The following RYR1 variants were observed in gnomAD, a reference collection of about 807,000 sequenced individuals.
RYR1 encodes central core disease of muscle.
Under a neutral mutation model 583.5 loss-of-function variants are expected in RYR1, and 342 were observed. The observed-to-expected ratio is 0.59, with a 90% CI of 0.54 to 0.64. The LOEUF (loss-of-function observed/expected upper bound fraction) is 0.64. Ranked by LOEUF, RYR1 falls within the 30% of genes least tolerant of loss-of-function variation. The pLI is 0.00. For synonymous variants in RYR1, 2,791 were observed against 2,822.5 expected (o/e 0.99, Z 0.35); for missense variants, 6,032 against 6,917.2 (o/e 0.87, Z 4.54).
At chr19:38,442,681 C>G (rs1001957469) in intron 3 of RYR1, among the ~76,000 whole-genome samples, 3 of 152,144 alleles carry the variant, frequency 2.0e-5, no homozygotes, top group Admixed American at 2.0e-4. Flanking sequence ...CAGGCAGGCC[C>G]GTCTCTCAGG....
chr19:38,457,203 C>G (rs1967457858), intron 16 of RYR1, among the ~76,000 whole-genome samples: 1 of 152,046 alleles, frequency 6.6e-6, no homozygotes, highest in Non-Finnish European at 1.5e-5. Context: ...CTGGTCGTTT[C>G]AGTCTGCCTT....
intron 83 of RYR1, 150 bp downstream of exon 83, chr19:38,536,917 G>A (rs1211635039): frequency 6.5e-6 from 5 of 771,598 alleles, no homozygotes; most frequent in South Asian, 1.5e-5. Context: ...AAAACCTGGA[G>A]ATCAGGAGTC....
At chr19:38,581,746 A>C (rs141293643) in intron 101 of RYR1, among the ~76,000 whole-genome samples, 130 of 152,040 alleles carry the variant, frequency 8.6e-4, no homozygotes, top group African/African-American at 2.9e-3. Context: ...TTACAGGCGC[A>C]CACTACCACA....
chr19:38,506,994 C>T (rs766407125), intron 57 of RYR1, 42 bp downstream of exon 57: 2 of 1,611,626 alleles, frequency 1.2e-6, no homozygotes, highest in African/African-American at 2.7e-5. Flanking sequence ...GCAGGCAGAA[C>T]ACACCCGGCA....
chr19:38,516,041 C>T, intron 64 of RYR1, 46 bp from the exon 65 acceptor site: 11 of 1,537,048 alleles, frequency 7.2e-6, no homozygotes, highest in Non-Finnish European at 9.7e-6. Flanking sequence ...ACCCAGGACC[C>T]CAAAGAGGGG....
chr19:38,480,305 G>A (rs1045313635), intron 31 of RYR1, among the ~76,000 whole-genome samples: 2 of 151,220 alleles, frequency 1.3e-5, no homozygotes, highest in East Asian at 3.9e-4. Flanking sequence ...ACCATGCCTG[G>A]CTAATTTTTT....
chr19:38,528,547 G>C, intron 74 of RYR1, 52 bp from the exon 75 acceptor site: 1 of 1,606,144 alleles, frequency 6.2e-7, no homozygotes, highest in African/African-American at 1.3e-5. Context: ...ATGGGAGGTC[G>C]GGAAGCACGG....
At position 38,565,306 on chromosome 19, in the gene RYR1, G is replaced by C; in HGVS notation, c.12972G>C (p.Thr4324=). 12 of 1,107,958 alleles carry C rather than the reference G, an allele frequency of 1.1e-5. No individual in the cohort carries two copies. Among genetic ancestry groups the C allele is most frequent in the East Asian group, 5.1e-5 (1 of 19,692 alleles). The allele number at this position is 1,107,958 out of a possible 1,614,324, so 68.6% of individuals were successfully genotyped here. The change falls in exon 91 of 106, where the codon ACG becomes ACC. Residue 4324 remains threonine, a synonymous_variant. Coordinates refer to ENST00000359596, the MANE Select transcript of RYR1 (RefSeq NM_000540.3). This position sits in a 1 kb window ranked among gnomAD's most constrained non-coding sequence, Gnocchi z 4.7. ...GCGTGCGGCGGCTGCGGCGGCTTAC[G>C]GCCCGCGAGGCGGCCACCGCAGTGG... ...RRRVRRLRRL[T]AREAATAVAA...
At chr19:38,516,357 A>G (rs878949282) in intron 65 of RYR1, 140 bp downstream of exon 65, 7 of 946,862 alleles carry the variant, frequency 7.4e-6, no homozygotes, top group Non-Finnish European at 1.1e-5. Flanking sequence ...AGTGCCACAC[A>G]TTCAGGAACC....
chr19:38,499,645 G>A lies in RYR1; in HGVS notation c.7038G>A (p.Val2346=). 6.3e-7 allele frequency: 1 copy of A among 1,598,090 alleles called. No homozygotes were observed. Among genetic ancestry groups the A allele is most frequent in the Non-Finnish European group, 8.5e-7 (1 of 1,179,886 alleles). ...RFAVFVNGES[V]EENANVVVRL... is the part of the protein sequence containing the mutation. ...CATGCGGGTGGCCAGGCGAGAGCGTGGAGGAGAACGCCAATGTGGTGGTGC... is the reference window on the plus strand; with the variant it reads ...CATGCGGGTGGCCAGGCGAGAGCGTAGAGGAGAACGCCAATGTGGTGGTGC... Residue 2346 remains valine (V), a synonymous_variant, in exon 44 of 106, where the codon GTG becomes GTA. Coordinates refer to ENST00000359596, the MANE Select transcript of RYR1 (RefSeq NM_000540.3). This position sits in a 1 kb window ranked among gnomAD's most constrained non-coding sequence, Gnocchi z 7.3.
intron 70 of RYR1, 65 bp from the exon 71 acceptor site, chr19:38,525,267 C>T: frequency 6.2e-7 from 1 of 1,603,124 alleles, no homozygotes; most frequent in Non-Finnish European, 8.5e-7. Flanking sequence ...TGGATGATGG[C>T]CGCGGGTTGG....
At position 38,490,389 on chromosome 19, in the gene RYR1, C is replaced by T. The variant is rs1732457359; in HGVS notation, c.6015+113C>T. 2.9e-6 allele frequency: 3 copies of T among 1,043,982 alleles called. No homozygotes were observed. The Middle Eastern group carries it at 6.1e-4, about 213-fold the overall frequency. The allele number at this position is 1,043,982 out of a possible 1,614,324, so 64.7% of individuals were successfully genotyped here. On this transcript the variant is annotated intron_variant, in intron 36 of 105. Transcript: ENST00000359596. ...TCTAAACCCGTGCTTGACCCCTGAC[C>T]CTAGTGATACATTTATCTCCTACTC...
intron 89 of RYR1, among the ~76,000 whole-genome samples, chr19:38,548,988 G>C (rs1185914071): frequency 6.6e-6 from 1 of 152,148 alleles, no homozygotes; most frequent in Admixed American, 6.6e-5. Context: ...ATAGGCATCA[G>C]TTATTCCATC....
chr19:38,474,248 C>T (rs1968592805), intron 28 of RYR1, among the ~76,000 whole-genome samples: 2 of 151,992 alleles, frequency 1.3e-5, no homozygotes, highest in Non-Finnish European at 2.9e-5. Context: ...CCTACAATGG[C>T]AGTGGTTTCC....
intron 9 of RYR1, 92 bp downstream of exon 9, chr19:38,446,860 A>G (rs1251276376): frequency 1.8e-5 from 18 of 1,007,234 alleles, no homozygotes; most frequent in Non-Finnish European, 2.4e-5. Flanking sequence ...AAGATCTGAT[A>G]AAGAGACTGA....
chr19:38,508,387 A>AT (rs1183220817), intron 58 of RYR1, among the ~76,000 whole-genome samples: 1 of 151,566 alleles, frequency 6.6e-6, no homozygotes, highest in Admixed American at 6.6e-5. Context: ...AATTTTTTGT[A>AT]TTTTTTAGTA....
In RYR1 at chr19:38,532,754, G is replaced by T; in HGVS notation, c.11259+18G>T. 1 of 1,613,212 alleles carries T rather than the reference G, an allele frequency of 6.2e-7. No homozygotes were observed. The highest frequency in any genetic ancestry group is 1.1e-5 in the South Asian group (1 of 91,052). ...CCTTTGAGGTAGGTGGGCTCAGGAG[G>T]TCCTGGAGGGAAGGGATGGGGGACC... is the stretch of plus-strand genomic sequence containing the variant. On this transcript the variant is annotated intron_variant, in intron 78 of 105. Coordinates refer to ENST00000359596, the MANE Select transcript of RYR1 (RefSeq NM_000540.3).
Position 38,466,305 on chromosome 19 carries a change from G to A in RYR1, c.3085G>A (p.Ala1029Thr). The A allele has an allele frequency of 1.2e-6, 2 of 1,610,750 alleles. No individual in the cohort carries two copies. The highest frequency in any genetic ancestry group is 1.7e-6 in the Non-Finnish European group (2 of 1,179,146). The change falls in exon 24 of 106, where the codon GCC becomes ACC. Residue 1029 changes from alanine to threonine, a missense_variant. Ala to Thr is a moderately conservative substitution (Grantham distance 58). Coordinates refer to ENST00000359596, the MANE Select transcript of RYR1 (RefSeq NM_000540.3). ...GGTGCCCTACCGCCTGCTGGATGAA[G>A]CCACCAAGCGCAGCAACCGGGACAG... ...RLVPYRLLDEATKRSNRDSLC... is the reference protein window; with the variant it reads ...RLVPYRLLDETTKRSNRDSLC...
intron 30 of RYR1, among the ~76,000 whole-genome samples, chr19:38,478,199 C>G (rs1424880641): frequency 6.6e-6 from 1 of 152,066 alleles, no homozygotes; most frequent in African/African-American, 2.4e-5. Context: ...CCCTTGCTTT[C>G]CCTCCTTTCA....
Sources: gnomAD v4.1 joint callset for allele counts (sites outside exome capture counted in the v4.1 genomes callset) on GRCh38, gnomAD v4.1.1 for gene constraint, Gnocchi (gnomAD v3.1) non-coding constraint, MANE v1.5 for transcripts, NCBI Gene and HGNC (gene_info 2026-07-23, HGNC 2026-07-21) for gene names.